Variants in RGS6 observed in about 807,000 individuals in gnomAD.
The protein encoded by RGS6 is regulator of G protein signaling 6.
Under a neutral mutation model 78.5 loss-of-function variants are expected in RGS6, and 30 were observed. That is an observed-to-expected ratio of 0.38 (90% CI 0.29 to 0.52). The LOEUF is 0.52. Among genes scored for constraint, RGS6 ranks in the 20% least tolerant of loss-of-function variants. RGS6 has a pLI of 0.85. For missense variants in RGS6, 495 were observed against 609.7 expected (o/e 0.81, Z 1.98); for synonymous variants, 206 against 206.0 (o/e 1.00, Z 0.00).
intron 17 of RGS6, among the ~76,000 whole-genome samples, chr14:72,544,133 C>G (rs2097361781): frequency 6.6e-6 from 1 of 152,274 alleles, no homozygotes; most frequent in Non-Finnish European, 1.5e-5. Flanking sequence ...CATAGAGGAC[C>G]AGGAGCATGC....
chr14:72,018,566 A>G (rs1295646411), intron 2 of RGS6, among the ~76,000 whole-genome samples: 2 of 152,136 alleles, frequency 1.3e-5, no homozygotes, highest in Non-Finnish European at 2.9e-5. Context: ...GGTGGTCTGG[A>G]GTTTAAACTT....
intron 2 of RGS6, among the ~76,000 whole-genome samples, chr14:72,258,973 G>T (rs1404518326): frequency 6.6e-6 from 1 of 152,076 alleles, no homozygotes; most frequent in Non-Finnish European, 1.5e-5. Flanking sequence ...CTTTAATCAT[G>T]GTGTCTACGA....
chr14:71,949,698 T>C (rs1162356213), intron 1 of RGS6, among the ~76,000 whole-genome samples: 2 of 152,124 alleles, frequency 1.3e-5, no homozygotes, highest in African/African-American at 4.8e-5. Context: ...TTCTTTATGG[T>C]TATTGTTTCC....
At chr14:72,190,006 C>A (rs181438332) in intron 2 of RGS6, among the ~76,000 whole-genome samples, 6 of 152,288 alleles carry the variant, frequency 3.9e-5, no homozygotes, top group African/African-American at 9.6e-5. Flanking sequence ...CCTTTTTAAA[C>A]CCTCAGTTTC....
At chr14:72,485,082 A>G (rs2096463673) in intron 12 of RGS6, among the ~76,000 whole-genome samples, 1 of 152,164 alleles carries the variant, frequency 6.6e-6, no homozygotes, top group African/African-American at 2.4e-5. Context: ...ACAGATCAGC[A>G]TCTTCTAGTG....
At chr14:72,029,520 G>A (rs2153325635) in intron 2 of RGS6, among the ~76,000 whole-genome samples, 1 of 152,282 alleles carries the variant, frequency 6.6e-6, no homozygotes, top group Admixed American at 6.5e-5. Flanking sequence ...TCACAGAGAG[G>A]GCTTGCCTCT....
At chr14:72,054,108 T>C (rs563438106) in intron 2 of RGS6, among the ~76,000 whole-genome samples, 1 of 152,292 alleles carries the variant, frequency 6.6e-6, no homozygotes, top group African/African-American at 2.4e-5. Flanking sequence ...CCAACCAACA[T>C]GAAGATGACT....
At chr14:72,150,293 G>C (rs1415876184) in intron 2 of RGS6, among the ~76,000 whole-genome samples, 4 of 152,132 alleles carry the variant, frequency 2.6e-5, no homozygotes. Context: ...AGCTGGAAGA[G>C]GCAAGAAAGG....
chr14:72,043,009 G>T (rs1323863229), intron 2 of RGS6, among the ~76,000 whole-genome samples: 1 of 152,030 alleles, frequency 6.6e-6, no homozygotes, highest in Non-Finnish European at 1.5e-5. Context: ...AACTTGATAG[G>T]TAATTTTATT....
At chr14:72,049,033 T>G (rs2153405183) in intron 2 of RGS6, among the ~76,000 whole-genome samples, 1 of 152,280 alleles carries the variant, frequency 6.6e-6, no homozygotes, top group South Asian at 2.1e-4. Context: ...CATTTAAAAA[T>G]TTTGGCCATA....
At chr14:72,038,693 A>T (rs1270704334) in intron 2 of RGS6, among the ~76,000 whole-genome samples, 2 of 152,334 alleles carry the variant, frequency 1.3e-5, no homozygotes, top group South Asian at 2.1e-4. Context: ...AACAGCATTT[A>T]AAAAATATTT....
intron 2 of RGS6, among the ~76,000 whole-genome samples, chr14:72,035,261 G>T (rs2091516058): frequency 1.3e-5 from 2 of 151,734 alleles, no homozygotes; most frequent in African/African-American, 4.8e-5. Context: ...ATTCCTTTTA[G>T]ATTATCCAAT....
At chr14:72,429,966 T>G (rs572360612) in intron 3 of RGS6, among the ~76,000 whole-genome samples, 1 of 152,322 alleles carries the variant, frequency 6.6e-6, no homozygotes, top group East Asian at 1.9e-4. Context: ...GTGAAGAAGG[T>G]ACCTTGCTTC....
At chr14:72,521,956 G>A (rs576813328) in intron 15 of RGS6, among the ~76,000 whole-genome samples, 1 of 152,160 alleles carries the variant, frequency 6.6e-6, no homozygotes, top group African/African-American at 2.4e-5. Context: ...TAATGTATTT[G>A]GTAAAAATTT....
At chr14:72,600,570 GACACAC>G in the RGS6 span, among the ~76,000 whole-genome samples, 2,154 of 148,604 alleles carry the variant, frequency 0.014, 60 homozygotes, top group African/African-American at 0.05. Flanking sequence ...AAGCCAGGCA[GACACAC>G]ACACACACAC....
chr14:72,292,301 A>G (rs962852134), intron 2 of RGS6, among the ~76,000 whole-genome samples: 1 of 152,186 alleles, frequency 6.6e-6, no homozygotes, highest in Non-Finnish European at 1.5e-5. Context: ...TGGAACCTGT[A>G]TCTGGTGTAT....
intron 2 of RGS6, among the ~76,000 whole-genome samples, chr14:72,045,682 G>A (rs1396558014): frequency 1.3e-5 from 2 of 150,706 alleles, no homozygotes; most frequent in Non-Finnish European, 3.0e-5. Flanking sequence ...CTTCACAAGT[G>A]TTTCTTAGCT....
At chr14:72,198,049 G>T (rs1029665799) in intron 2 of RGS6, among the ~76,000 whole-genome samples, 1 of 152,042 alleles carries the variant, frequency 6.6e-6, no homozygotes, top group Admixed American at 6.6e-5. Context: ...ATAAGTACTT[G>T]TTGTGTTTGT....
At chr14:72,248,553 A>C (rs185646905) in intron 2 of RGS6, among the ~76,000 whole-genome samples, 1 of 152,234 alleles carries the variant, frequency 6.6e-6, no homozygotes, top group Non-Finnish European at 1.5e-5. Context: ...GAGTGTAAAG[A>C]CCAAAAAGTT....
Sources: allele counts gnomAD v4.1 joint callset (sites outside exome capture counted in the v4.1 genomes callset), GRCh38; gene constraint gnomAD v4.1.1; transcripts MANE v1.5; gene names NCBI Gene and HGNC (gene_info 2026-07-23, HGNC 2026-07-21).